Variants in EYS observed in about 807,000 individuals in gnomAD.
EYS encodes the protein protein eyes shut homolog.
A neutral mutation model predicts 282.1 loss-of-function variants in EYS; 250 were observed. That is an observed-to-expected ratio of 0.89 (90% CI 0.80 to 0.98). EYS has a LOEUF of 0.98. Among genes scored for constraint, EYS ranks in the 50% least tolerant of loss-of-function variants. The pLI is 0.00. For synonymous variants in EYS, 1,355 were observed against 1,282.9 expected, an observed-to-expected ratio of 1.06 and a Z score of -1.20; for missense variants, 4,016 against 3,709.0, an observed-to-expected ratio of 1.08 and a Z score of -2.15.
At chr6:65,571,700 A>C (rs186474073) in intron 2 of EYS, among the ~76,000 whole-genome samples, 1 of 152,018 alleles carries the variant, frequency 6.6e-6, no homozygotes, top group African/African-American at 2.4e-5. Context: ...TCGATAATGA[A>C]ATTTTTCAAA....
At chr6:65,637,462 G>A (rs969651580) in intron 2 of EYS, among the ~76,000 whole-genome samples, 3 of 152,154 alleles carry the variant, frequency 2.0e-5, no homozygotes, top group African/African-American at 4.8e-5. Flanking sequence ...CAGAGCTGGT[G>A]GGAGCCAGGA....
chr6:65,394,241 T>G (rs1316374656), intron 7 of EYS, among the ~76,000 whole-genome samples: 2 of 152,062 alleles, frequency 1.3e-5, no homozygotes, highest in Non-Finnish European at 2.9e-5. Flanking sequence ...CGTGTGTGTG[T>G]GTGTGTGTGC....
chr6:64,642,668 C>T (rs1768197361), intron 22 of EYS, among the ~76,000 whole-genome samples: 1 of 152,190 alleles, frequency 6.6e-6, no homozygotes, highest in Non-Finnish European at 1.5e-5. Context: ...AGGGTTCCTG[C>T]CAGAGAGATA....
chr6:65,151,332 GA>G (rs1327259341), intron 12 of EYS, among the ~76,000 whole-genome samples: 2 of 151,954 alleles, frequency 1.3e-5, no homozygotes, highest in African/African-American at 4.8e-5. Flanking sequence ...AGAAGATAGG[GA>G]AGGAGAGATA....
At chr6:65,486,139 G>A (rs1765774785) in intron 5 of EYS, among the ~76,000 whole-genome samples, 1 of 152,120 alleles carries the variant, frequency 6.6e-6, no homozygotes, top group Admixed American at 6.5e-5. Context: ...TTCACACATA[G>A]TTCATATTTT....
chr6:64,505,771 G>C (rs1562030736), intron 26 of EYS, among the ~76,000 whole-genome samples: 2 of 152,050 alleles, frequency 1.3e-5, no homozygotes, highest in Non-Finnish European at 2.9e-5. Context: ...GGTAATCTAT[G>C]GACAATTCAG....
intron 13 of EYS, among the ~76,000 whole-genome samples, chr6:65,040,239 C>T (rs9453159): frequency 0.037 from 5,608 of 151,794 alleles, 349 homozygotes; most frequent in African/African-American, 0.13. Context: ...AGCTAGACAT[C>T]CAAGACTAAG....
intron 36 of EYS, among the ~76,000 whole-genome samples, chr6:63,844,891 T>C (rs1046030784): frequency 6.6e-6 from 1 of 152,348 alleles, no homozygotes; most frequent in East Asian, 1.9e-4. Context: ...ATTTTTGCTT[T>C]TGTTGCAATT....
intron 5 of EYS, among the ~76,000 whole-genome samples, chr6:65,421,798 G>A (rs1170486464): frequency 6.6e-6 from 1 of 151,766 alleles, no homozygotes; most frequent in Non-Finnish European, 1.5e-5. Context: ...TGAGAAGAGG[G>A]GGAGAGAAAG....
At chr6:64,703,429 A>ATATAT (rs869208549) in intron 22 of EYS, among the ~76,000 whole-genome samples, 27 of 23,358 alleles carry the variant, frequency 1.2e-3, no homozygotes, top group African/African-American at 2.4e-3. Flanking sequence ...ATATATATAT[A>ATATAT]TTTTTTTTTT....
At chr6:65,660,120 A>G (rs1767954813) in intron 1 of EYS, among the ~76,000 whole-genome samples, 1 of 151,940 alleles carries the variant, frequency 6.6e-6, no homozygotes, top group South Asian at 2.1e-4. Context: ...GTGTCAAAAG[A>G]TCATGAAACC....
At chr6:64,998,381 A>C (rs1490077792) in intron 13 of EYS, among the ~76,000 whole-genome samples, 1 of 152,186 alleles carries the variant, frequency 6.6e-6, no homozygotes, top group Non-Finnish European at 1.5e-5. Context: ...ATTATCCCTG[A>C]GATTTACCAT....
intron 13 of EYS, among the ~76,000 whole-genome samples, chr6:65,049,692 T>A (rs1773208456): frequency 6.6e-6 from 1 of 151,762 alleles, no homozygotes; most frequent in South Asian, 2.1e-4. Flanking sequence ...CAAACAACCC[T>A]TCTCTGTGAT....
At chr6:64,159,313 C>T (rs1222989806) in intron 31 of EYS, among the ~76,000 whole-genome samples, 1 of 152,028 alleles carries the variant, frequency 6.6e-6, no homozygotes, top group East Asian at 1.9e-4. Context: ...GTAATCCCAG[C>T]ACTTTGGGAG....
chr6:64,449,332 G>T (rs1445555531), intron 26 of EYS, among the ~76,000 whole-genome samples: 1 of 152,094 alleles, frequency 6.6e-6, no homozygotes, highest in Non-Finnish European at 1.5e-5. Context: ...AATGAACAAA[G>T]CCTCCAAGAC....
At chr6:65,172,545 C>T (rs539846471) in intron 12 of EYS, among the ~76,000 whole-genome samples, 1 of 151,090 alleles carries the variant, frequency 6.6e-6, no homozygotes, top group Non-Finnish European at 1.5e-5. Context: ...TACTGTTTTT[C>T]TTAAATGTAA....
In EYS at chr6:64,821,743, T is replaced by A. The variant is rs1312143741; in HGVS notation, c.3165-20A>T. The A allele has an allele frequency of 7.2e-7, 1 of 1,379,630 alleles. No homozygotes were observed. The highest frequency in any genetic ancestry group is 2.5e-5 in the East Asian group (1 of 39,742). 85.5% of individuals were successfully genotyped at this position (1,379,630 alleles called of 1,614,324 possible). A position where few individuals can be genotyped will look rare whatever the true frequency, so the allele number is the denominator to read the frequency against. On this transcript the variant is annotated intron_variant, in intron 20 of 42. Transcript: ENST00000503581. ...GTGCACCTGAAACACAGAATTAGAA[T>A]TACATTTTCAAATAAGTAGATGTTA...
At chr6:64,476,575 A>G (rs570318822) in intron 26 of EYS, among the ~76,000 whole-genome samples, 7 of 152,278 alleles carry the variant, frequency 4.6e-5, no homozygotes, top group African/African-American at 1.7e-4. Context: ...AATTGAAAAA[A>G]GGTGATCATT....
chr6:65,321,229 T>C (rs1294191113), intron 11 of EYS, among the ~76,000 whole-genome samples: 2 of 152,208 alleles, frequency 1.3e-5, no homozygotes, highest in Admixed American at 1.3e-4. Context: ...AATATGATTC[T>C]TCTTGTTTCA....
Sources: allele counts gnomAD v4.1 joint callset (sites outside exome capture counted in the v4.1 genomes callset), GRCh38; gene constraint gnomAD v4.1.1; transcripts MANE v1.5; gene names NCBI Gene and HGNC (gene_info 2026-07-23, HGNC 2026-07-21).